Variants in NDUFA9 observed in about 807,000 individuals in gnomAD.
NDUFA9 encodes the protein NADH:ubiquinone oxidoreductase subunit A9.
NDUFA9 carries 23 observed loss-of-function variants against 45.9 expected under a neutral mutation model. The ratio of observed to expected loss-of-function variants is 0.50; its 90% CI spans 0.36 to 0.71. NDUFA9 has a LOEUF of 0.71. Ranked by LOEUF, NDUFA9 falls within the 30% of genes least tolerant of loss-of-function variation. The pLI, the probability that NDUFA9 is intolerant of heterozygous loss-of-function variation, is 0.00. For missense variants in NDUFA9, 466 were observed against 488.2 expected, an observed-to-expected ratio of 0.95 and a Z score of 0.43; for synonymous variants, 176 against 170.5, an observed-to-expected ratio of 1.03 and a Z score of -0.25.
At position 4,655,002 on chromosome 12, in the gene NDUFA9, A is replaced by T. The variant is rs531831638; in HGVS notation, c.318+80A>T. The T allele has an allele frequency of 5.1e-6, 6 of 1,184,608 alleles. No homozygotes were observed. The African/African-American group carries it at 9.2e-5, about 18-fold the overall frequency. The allele number at this position is 1,184,608 out of a possible 1,614,324, so 73.4% of individuals were successfully genotyped here. A position where few individuals can be genotyped will look rare whatever the true frequency, so the allele number is the denominator to read the frequency against. On this transcript the variant is annotated intron_variant, in intron 3 of 10. Coordinates refer to ENST00000266544, the MANE Select transcript of NDUFA9 (RefSeq NM_005002.5). ...TTTAGGAGTGATAGGCAGTATAATA[A>T]AGCAGTAATTTCTTCCCAGAATGGA...
At position 4,662,688 on chromosome 12, in the gene NDUFA9, A is replaced by C. The variant is rs1945830596; in HGVS notation, c.655+53A>C. The C allele has an allele frequency of 1.0e-5, 14 of 1,374,322 alleles. No homozygotes were observed. In the South Asian group the frequency reaches 1.7e-4, roughly 16 times the overall value. The allele number at this position is 1,374,322 out of a possible 1,614,324, so 85.1% of individuals were successfully genotyped here. On this transcript the variant is annotated intron_variant, in intron 6 of 10. Transcript: ENST00000266544. ...AGAGGGATACTGATTAACCAAGTTG[A>C]AGCTGCTCAAGCTAACAGTTTTCTC...
chr12:4,681,489 CTT>C (rs890421504), intron 8 of NDUFA9, among the ~76,000 whole-genome samples: 7 of 143,422 alleles, frequency 4.9e-5, no homozygotes, highest in Non-Finnish European at 4.6e-5. Context: ...CATGAGATAC[CTT>C]TTTTTTTTTA....
intron 5 of NDUFA9, among the ~76,000 whole-genome samples, chr12:4,662,266 C>T (rs576248256): frequency 6.6e-6 from 1 of 152,286 alleles, no homozygotes; most frequent in South Asian, 2.1e-4. Context: ...AGAAATTCTA[C>T]TTTGATTTTT....
Position 4,689,014 on chromosome 12 carries a change from C to A in NDUFA9, c.*1906C>A, listed in dbSNP as rs1946004015. 6.6e-6 allele frequency: 1 copy of A among 152,104 alleles called. No homozygotes were observed. The highest frequency in any genetic ancestry group is 2.1e-4 in the South Asian group (1 of 4,824). 9.4% of individuals were successfully genotyped at this position (152,104 alleles called of 1,614,324 possible). A position where few individuals can be genotyped will look rare whatever the true frequency, so the allele number is the denominator to read the frequency against. On this transcript the variant is annotated 3_prime_UTR_variant, in exon 11 of 11. Coordinates refer to ENST00000266544, the MANE Select transcript of NDUFA9 (RefSeq NM_005002.5). Reference sequence around the variant, plus strand: ...GATACATAATAGATGTAAATATTGTCAGGGTATATGTGGTAATTTGATATA... The same window carrying A: ...GATACATAATAGATGTAAATATTGTAAGGGTATATGTGGTAATTTGATATA...
intron 8 of NDUFA9, among the ~76,000 whole-genome samples, chr12:4,676,638 A>G (rs1047236575): frequency 6.6e-6 from 1 of 152,190 alleles, no homozygotes; most frequent in Non-Finnish European, 1.5e-5. Context: ...GCTCAAGTAA[A>G]TAAGAGAGGA....
Position 4,682,319 on chromosome 12 carries a change from T to C in NDUFA9, c.896+19T>C. The C allele has an allele frequency of 6.4e-7, 1 of 1,572,634 alleles. No individual in the cohort carries two copies. The highest frequency in any genetic ancestry group is 8.7e-7 in the Non-Finnish European group (1 of 1,143,294). Reference sequence around the variant, plus strand: ...CCTATCGGTAAGTAGAGTGCTCCTTTTGTGTGACTTCTGAAAAAGCCAGCT... The same window carrying C: ...CCTATCGGTAAGTAGAGTGCTCCTTCTGTGTGACTTCTGAAAAAGCCAGCT... On this transcript the variant is annotated intron_variant, in intron 9 of 10. Transcript: ENST00000266544.
intron 1 of NDUFA9, among the ~76,000 whole-genome samples, chr12:4,652,660 T>C (rs1945766573): frequency 6.6e-6 from 1 of 152,210 alleles, no homozygotes; most frequent in Non-Finnish European, 1.5e-5. Flanking sequence ...TGCTTTTTAA[T>C]CTCCTTTACT....
At position 4,687,175 on chromosome 12, in the gene NDUFA9, A is replaced by G. The variant is rs1389243905; in HGVS notation, c.*67A>G. 35 of 1,499,334 alleles carry G rather than the reference A, an allele frequency of 2.3e-5. No homozygotes were observed. The highest frequency in any genetic ancestry group is 3.1e-5 in the Non-Finnish European group (34 of 1,101,756). 92.9% of individuals were successfully genotyped at this position (1,499,334 alleles called of 1,614,324 possible). ...GCCCATGTGGTTTGAGCACCCAGCC[A>G]GGCGGTCTCTTTAGAGGATCCTGTA... On this transcript the variant is annotated 3_prime_UTR_variant, in exon 11 of 11. Coordinates refer to ENST00000266544, the MANE Select transcript of NDUFA9 (RefSeq NM_005002.5).
chr12:4,682,230 C>CAA lies in NDUFA9; in HGVS notation c.826_827insAA (p.Leu276GlnfsTer3). 1 of 1,612,618 alleles carries CAA rather than the reference C, an allele frequency of 6.2e-7. No homozygotes were observed. The highest frequency in any genetic ancestry group is 1.7e-5 in the Admixed American group (1 of 59,946). On this transcript the variant is annotated frameshift_variant, in exon 9 of 11. Transcript: ENST00000266544. LOFTEE classifies it high-confidence loss of function. ...TCCCAGTCGGTACCTCCTTTTCCAC[C>CAA]TGGTGAAGTACATCTTTGCTGTGGC...
At position 4,682,263 on chromosome 12, in the gene NDUFA9, T is replaced by C; in HGVS notation, c.859T>C (p.Leu287=). 1.2e-6 allele frequency: 2 copies of C among 1,613,368 alleles called. No homozygotes were observed. Among genetic ancestry groups the C allele is most frequent in the Non-Finnish European group, 1.7e-6 (2 of 1,179,580 alleles). ...VKYIFAVAHR[L]FLPFPLPLFA... ...GTACATCTTTGCTGTGGCTCACAGA[T>C]TGTTCCTCCCATTCCCCTTGCCGCT... The change falls in exon 9 of 11, where the codon TTG becomes CTG. Residue 287 remains leucine, a synonymous_variant. Coordinates refer to ENST00000266544, the MANE Select transcript of NDUFA9 (RefSeq NM_005002.5).
In NDUFA9 at chr12:4,651,271, A is replaced by G. The variant is rs116593611; in HGVS notation, c.49+2096A>G. ...GAAATATAATGAATATATAATTAAT[A>G]AAGAATATCATTCTTCTAATAGTAC... On this transcript the variant is annotated intron_variant, in intron 1 of 10. Transcript: ENST00000266544. 3.5e-3 allele frequency among the ~76,000 whole-genome samples: 532 copies of G among 152,312 alleles called. 2 individuals are homozygous for G. The highest frequency in any genetic ancestry group is 0.012 in the African/African-American group (511 of 41,578).
chr12:4,689,024 G>C lies in NDUFA9; in HGVS notation c.*1916G>C, dbSNP rs1946004188. The C allele has an allele frequency of 1.3e-5, 2 of 152,086 alleles. No homozygotes were observed. The highest frequency in any genetic ancestry group is 4.8e-5 in the African/African-American group (2 of 41,398). The allele number at this position is 152,086 out of a possible 1,614,324, so 9.4% of individuals were successfully genotyped here. A position where few individuals can be genotyped will look rare whatever the true frequency, so the allele number is the denominator to read the frequency against. On this transcript the variant is annotated 3_prime_UTR_variant, in exon 11 of 11. Transcript: ENST00000266544. ...AGATGTAAATATTGTCAGGGTATAT[G>C]TGGTAATTTGATATATTCATATAAT...
intron 7 of NDUFA9, among the ~76,000 whole-genome samples, chr12:4,669,413 A>C (rs1945873281): frequency 6.6e-6 from 1 of 152,260 alleles, no homozygotes; most frequent in Non-Finnish European, 1.5e-5. Flanking sequence ...AAAGCAAATC[A>C]GAGGGGCCTC....
intron 9 of NDUFA9, among the ~76,000 whole-genome samples, chr12:4,683,326 T>C (rs10849118): frequency 0.76 from 116,045 of 152,116 alleles, 44,531 homozygotes; most frequent in South Asian, 0.87. Flanking sequence ...ACCCTAGTGG[T>C]CTGGTTAAGG....
At chr12:4,685,632 G>T (rs940195350) in intron 10 of NDUFA9, among the ~76,000 whole-genome samples, 1 of 151,924 alleles carries the variant, frequency 6.6e-6, no homozygotes, top group Non-Finnish European at 1.5e-5. Context: ...CTACTTTCCT[G>T]TTGTGTCCCT....
chr12:4,684,627 A>G (rs1324615698), intron 9 of NDUFA9, among the ~76,000 whole-genome samples: 1 of 152,222 alleles, frequency 6.6e-6, no homozygotes, highest in Non-Finnish European at 1.5e-5. Context: ...AGGAAAGAAA[A>G]GAAAAAGTCA....
rs1232050129 is a variant in NDUFA9 at position 4,687,228 on chromosome 12, GT to G, written c.*122del. 1.9e-5 allele frequency: 17 copies of G among 871,958 alleles called. No individual in the cohort carries two copies. In the African/African-American group the frequency reaches 2.8e-4, roughly 14 times the overall value. 54.0% of individuals were successfully genotyped at this position (871,958 alleles called of 1,614,324 possible). A position where few individuals can be genotyped will look rare whatever the true frequency, so the allele number is the denominator to read the frequency against. On this transcript the variant is annotated 3_prime_UTR_variant, in exon 11 of 11. Transcript: ENST00000266544. ...CAGTTCCACTATTAAAACATTTCAG[GT>G]TGAATTCTGCAGTATTTTCTTCCTT...
intron 6 of NDUFA9, among the ~76,000 whole-genome samples, chr12:4,664,627 C>T (rs970259422): frequency 3.3e-5 from 5 of 152,122 alleles, no homozygotes; most frequent in African/African-American, 1.2e-4. Context: ...CCCCTGGAAC[C>T]TTTGAGGTGT....
Position 4,679,371 on chromosome 12 carries a change from T to G in NDUFA9, c.801-2834T>G, listed in dbSNP as rs1945939509. Among the ~76,000 whole-genome samples the G allele has an allele frequency of 3.9e-5, 6 of 152,208 alleles. No individual in the cohort carries two copies. The South Asian group carries it at 1.2e-3, about 32-fold the overall frequency. On this transcript the variant is annotated intron_variant, in intron 8 of 10. Transcript: ENST00000266544. ...ATGAAAAATCATTGAATTATATGCT[T>G]AAAATGGATGAATTTTAATGTATGT...
Sources: gnomAD v4.1 joint callset for allele counts (sites outside exome capture counted in the v4.1 genomes callset) on GRCh38, gnomAD v4.1.1 for gene constraint, MANE v1.5 for transcripts, NCBI Gene and HGNC (gene_info 2026-07-23, HGNC 2026-07-21) for gene names.